KANSL1: variants seen among roughly 807,000 people sequenced by gnomAD.
The protein encoded by KANSL1 is KAT8 regulatory NSL complex subunit 1.
In KANSL1, 22 loss-of-function variants were observed where a neutral mutation model predicts 103.6. The ratio of observed to expected loss-of-function variants is 0.21; its 90% CI spans 0.15 to 0.30. The LOEUF (loss-of-function observed/expected upper bound fraction) is 0.30. Ranked by LOEUF, KANSL1 falls within the 10% of genes least tolerant of loss-of-function variation. The pLI is 1.00. For synonymous variants in KANSL1, 600 were observed against 527.6 expected (o/e 1.14, Z -1.88); for missense variants, 1,337 against 1,399.8 (o/e 0.96, Z 0.72).
At chr17:46,191,605 T>C (rs913190143) in intron 1 of KANSL1, among the ~76,000 whole-genome samples, 3 of 152,252 alleles carry the variant, frequency 2.0e-5, no homozygotes, top group South Asian at 2.1e-4. Context: ...ATCATGATTA[T>C]GCAAGGCAAA....
intron 1 of KANSL1, among the ~76,000 whole-genome samples, chr17:46,205,552 G>A (rs1456027623): frequency 6.6e-6 from 1 of 151,854 alleles, no homozygotes; most frequent in Non-Finnish European, 1.5e-5. Context: ...GTGGTGGCAG[G>A]TGCCTGTAAT....
rs1474248659 is a variant in KANSL1, at chr17:46,193,225, G to T, written c.-492C>A. 6.6e-6 allele frequency: 1 copy of T among 152,606 alleles called. No homozygotes were observed. Among genetic ancestry groups the T allele is most frequent in the Non-Finnish European group, 1.5e-5 (1 of 68,772 alleles). The allele number at this position is 152,606 out of a possible 1,614,324, so 9.5% of individuals were successfully genotyped here. ...GTCTGCAGCCCGAACCCGCACCCAGGCCGCCACCCCCGGCCGCCTCTTTCC... is the reference window on the plus strand; with the variant it reads ...GTCTGCAGCCCGAACCCGCACCCAGTCCGCCACCCCCGGCCGCCTCTTTCC... On this transcript the variant is annotated 5_prime_UTR_variant, in exon 1 of 15. Transcript: ENST00000432791.
chr17:46,149,668 A>C (rs577868997), intron 2 of KANSL1, among the ~76,000 whole-genome samples: 17 of 152,346 alleles, frequency 1.1e-4, no homozygotes, highest in African/African-American at 3.8e-4. Flanking sequence ...AACTAATATC[A>C]ACTTTCCTAA....
At chr17:46,125,661 A>G (rs906396487) in intron 2 of KANSL1, among the ~76,000 whole-genome samples, 2 of 152,234 alleles carry the variant, frequency 1.3e-5, no homozygotes, top group African/African-American at 2.4e-5. Context: ...CTACATTCAA[A>G]GGAAACATAA....
intron 4 of KANSL1, among the ~76,000 whole-genome samples, chr17:46,076,199 T>C (rs975696305): frequency 3.3e-5 from 5 of 152,318 alleles, no homozygotes; most frequent in East Asian, 3.8e-4. Flanking sequence ...TTTTTAAAAA[T>C]TGTTTTGGCT....
At chr17:46,122,201 C>G (rs957812476) in intron 2 of KANSL1, among the ~76,000 whole-genome samples, 2 of 152,188 alleles carry the variant, frequency 1.3e-5, no homozygotes, top group Non-Finnish European at 2.9e-5. Flanking sequence ...TCTGGAAACA[C>G]AGAAGTTCCT....
intron 2 of KANSL1, among the ~76,000 whole-genome samples, chr17:46,105,949 C>CACCCA (rs1567680988): frequency 2.0e-5 from 1 of 49,240 alleles, no homozygotes; most frequent in East Asian, 3.5e-4. Flanking sequence ...ACACACACAC[C>CACCCA]CCCCCAGAAG....
chr17:46,114,369 A>C (rs1009650038), intron 2 of KANSL1, among the ~76,000 whole-genome samples: 5 of 152,158 alleles, frequency 3.3e-5, no homozygotes, highest in Admixed American at 6.5e-5. Flanking sequence ...ACAAAAACAA[A>C]AACAAAAAAA....
At chr17:46,057,617 C>T (rs953147825) in intron 6 of KANSL1, among the ~76,000 whole-genome samples, 2 of 151,986 alleles carry the variant, frequency 1.3e-5, no homozygotes, top group South Asian at 4.2e-4. Context: ...TGTTTTCTCA[C>T]GAAACTAAAA....
chr17:46,040,018 T>A (rs1455228377), intron 7 of KANSL1, 134 bp from the exon 8 acceptor site: 1 of 737,246 alleles, frequency 1.4e-6, no homozygotes, highest in Non-Finnish European at 2.3e-6. Flanking sequence ...ATATGGAAGA[T>A]CTGTTTACGT....
chr17:46,201,294 G>T (rs1190991992), intron 1 of KANSL1, among the ~76,000 whole-genome samples: 1 of 152,130 alleles, frequency 6.6e-6, no homozygotes, highest in Non-Finnish European at 1.5e-5. Flanking sequence ...CTACAAACGG[G>T]GAGTAACCAA....
chr17:46,174,100 T>C (rs2046408569), intron 1 of KANSL1, among the ~76,000 whole-genome samples: 1 of 152,248 alleles, frequency 6.6e-6, no homozygotes, highest in Non-Finnish European at 1.5e-5. Context: ...AAATCTGAAT[T>C]TTTTAGGCAA....
chr17:46,062,711 G>A (rs986741223), intron 6 of KANSL1, among the ~76,000 whole-genome samples: 1 of 151,680 alleles, frequency 6.6e-6, no homozygotes, highest in Non-Finnish European at 1.5e-5. Context: ...TCAATTTTAA[G>A]ATATATTCCA....
At chr17:46,040,071 T>C (rs2077267302) in intron 7 of KANSL1, 187 bp from the exon 8 acceptor site, 3 of 489,346 alleles carry the variant, frequency 6.1e-6, no homozygotes, top group Non-Finnish European at 1.1e-5. Flanking sequence ...AGCAGGTCAC[T>C]TTAGCTTTTT....
At chr17:46,141,976 C>T (rs945202628) in intron 2 of KANSL1, among the ~76,000 whole-genome samples, 5 of 152,198 alleles carry the variant, frequency 3.3e-5, no homozygotes, top group Admixed American at 3.3e-4. Flanking sequence ...GCAACCTCCA[C>T]CTACCAGGTT....
At chr17:46,135,437 A>G (rs2044080933) in intron 2 of KANSL1, among the ~76,000 whole-genome samples, 1 of 152,208 alleles carries the variant, frequency 6.6e-6, no homozygotes, top group Non-Finnish European at 1.5e-5. Flanking sequence ...TACCCAGATT[A>G]ACGAGAGATA....
intron 2 of KANSL1, among the ~76,000 whole-genome samples, chr17:46,096,311 C>CTTTTTTTTCTTTTTTTTTTTTTTTTT (rs2042069609): frequency 2.6e-5 from 2 of 76,408 alleles, no homozygotes; most frequent in African/African-American, 1.1e-4. Context: ...GCTTTTTTTT[C>CTTTTTTTTCTTTTTTTTTTTTTTTTT]TTTTTTTTTT....
At chr17:46,150,927 CAAAAA>C (rs67160662) in intron 2 of KANSL1, among the ~76,000 whole-genome samples, 43 of 134,468 alleles carry the variant, frequency 3.2e-4, no homozygotes, top group Non-Finnish European at 4.3e-4. Context: ...CCTATTCTGT[CAAAAA>C]AAAAAAAAAA....
intron 2 of KANSL1, among the ~76,000 whole-genome samples, chr17:46,147,572 TAAAAAAA>T (rs10717937): frequency 7.9e-4 from 81 of 103,078 alleles, no homozygotes; most frequent in African/African-American, 1.2e-3. Context: ...TGAGACTCTT[TAAAAAAA>T]AAAAAAAAAA....
Sources: gnomAD v4.1 joint callset for allele counts (sites outside exome capture counted in the v4.1 genomes callset) on GRCh38, gnomAD v4.1.1 for gene constraint, MANE v1.5 for transcripts, NCBI Gene and HGNC (gene_info 2026-07-23, HGNC 2026-07-21) for gene names.